Variants in CTXND2 observed in about 807,000 individuals in gnomAD.
CTXND2 encodes cortexin domain containing 2.
chr1:150,905,380 G>T (rs587757069), intron 1 of CTXND2, among the ~76,000 whole-genome samples: 42 of 129,792 alleles, frequency 3.2e-4, no homozygotes, highest in Admixed American at 1.9e-3. Flanking sequence ...CTGACCTCAG[G>T]TGATCCCCCC....
intron 1 of CTXND2, among the ~76,000 whole-genome samples, chr1:150,895,320 G>A (rs1283805263): frequency 6.6e-6 from 1 of 151,676 alleles, no homozygotes; most frequent in African/African-American, 2.4e-5. Flanking sequence ...TTCCTGTTTG[G>A]GGAAATCTTT....
At chr1:150,896,363 T>G (rs373828857) in intron 1 of CTXND2, among the ~76,000 whole-genome samples, 1 of 152,346 alleles carries the variant, frequency 6.6e-6, no homozygotes, top group East Asian at 1.9e-4. Flanking sequence ...AATTCCATTT[T>G]ATTTTTAAGT....
chr1:150,900,213 C>T (rs1252918889), intron 1 of CTXND2, among the ~76,000 whole-genome samples: 1 of 152,098 alleles, frequency 6.6e-6, no homozygotes, highest in Admixed American at 6.5e-5. Flanking sequence ...CCGTGAAGGT[C>T]TGTAGCTTCA....
chr1:150,911,190 C>T (rs1194427449), intron 1 of CTXND2, among the ~76,000 whole-genome samples: 1 of 151,452 alleles, frequency 6.6e-6, no homozygotes, highest in Non-Finnish European at 1.5e-5. Flanking sequence ...TCAAGTGATC[C>T]GCCTGCCTCG....
At chr1:150,910,879 A>T (rs1395099480) in intron 1 of CTXND2, among the ~76,000 whole-genome samples, 4 of 151,870 alleles carry the variant, frequency 2.6e-5, no homozygotes, top group African/African-American at 9.7e-5. Flanking sequence ...ATCTCGGCTC[A>T]CCGCAAGCTC....
intron 1 of CTXND2, among the ~76,000 whole-genome samples, chr1:150,895,957 C>T (rs587747890): frequency 6.6e-6 from 1 of 152,326 alleles, no homozygotes; most frequent in South Asian, 2.1e-4. Flanking sequence ...TGTGCTCTCC[C>T]TGGCTATGGT....
chr1:150,906,641 G>A (rs1334884534), intron 1 of CTXND2, among the ~76,000 whole-genome samples: 2 of 152,162 alleles, frequency 1.3e-5, no homozygotes, highest in Non-Finnish European at 2.9e-5. Context: ...ATCTGAAAGT[G>A]GAAGGCCCAC....
intron 1 of CTXND2, among the ~76,000 whole-genome samples, chr1:150,892,532 T>TC: frequency 6.8e-6 from 1 of 146,058 alleles, no homozygotes; most frequent in East Asian, 2.0e-4. Context: ...CTTCTTCTTT[T>TC]TTTTTTTTTT....
intron 1 of CTXND2, among the ~76,000 whole-genome samples, chr1:150,902,560 G>A (rs1432885596): frequency 6.6e-6 from 1 of 152,054 alleles, no homozygotes; most frequent in Non-Finnish European, 1.5e-5. Context: ...GGAAATGAAT[G>A]AGATTCATCA....
chr1:150,896,800 A>T (rs1668918754), intron 1 of CTXND2, among the ~76,000 whole-genome samples: 1 of 152,222 alleles, frequency 6.6e-6, no homozygotes, highest in Non-Finnish European at 1.5e-5. Flanking sequence ...GACTTTTAGG[A>T]TAAACAAATT....
chr1:150,910,991 A>G (rs1304270407), intron 1 of CTXND2, among the ~76,000 whole-genome samples: 1 of 151,856 alleles, frequency 6.6e-6, no homozygotes, highest in African/African-American at 2.4e-5. Flanking sequence ...TTTTTAGTAG[A>G]GACGGGGTTT....
At chr1:150,903,164 CTA>C (rs914673504) in intron 1 of CTXND2, among the ~76,000 whole-genome samples, 8 of 152,026 alleles carry the variant, frequency 5.3e-5, no homozygotes, top group African/African-American at 1.9e-4. Flanking sequence ...CTGCCAATCC[CTA>C]TGTTTTGTTT....
chr1:150,912,068 A>G (rs954468996), intron 1 of CTXND2, among the ~76,000 whole-genome samples, 174 bp from the exon 2 acceptor site: 3 of 152,140 alleles, frequency 2.0e-5, no homozygotes, highest in African/African-American at 7.2e-5. Flanking sequence ...ACTTGTGTGT[A>G]TGTGTGTATC....
chr1:150,899,816 G>T (rs1287934295), intron 1 of CTXND2, among the ~76,000 whole-genome samples: 1 of 152,156 alleles, frequency 6.6e-6, no homozygotes, highest in Non-Finnish European at 1.5e-5. Flanking sequence ...CACCAGCCAG[G>T]TGTGATAGTG....
At position 150,906,235 on chromosome 1, in the gene CTXND2, G is replaced by A. The variant is rs142346627; in HGVS notation, c.-73-6007G>A. ...GATCACTTGAGCCCAGGAGGTTGAG[G>A]CTGCATTGAGCTATGACCATGCCAC... On this transcript the variant is annotated intron_variant, in intron 1 of 1. Coordinates refer to ENST00000636087, the Ensembl canonical transcript of CTXND2. Among the ~76,000 whole-genome samples, 836 of 151,876 alleles carry A rather than the reference G, an allele frequency of 5.5e-3. 4 individuals are homozygous for A. The highest frequency in any genetic ancestry group is 7.3e-3 in the Non-Finnish European group (496 of 67,960).
intron 1 of CTXND2, among the ~76,000 whole-genome samples, chr1:150,901,982 G>A (rs1471166409): frequency 5.3e-5 from 8 of 151,734 alleles, no homozygotes; most frequent in Non-Finnish European, 1.2e-4. Flanking sequence ...AATAATGCTA[G>A]AGGCTGAGCA....
chr1:150,889,222 A>G (rs1332158780), intron 1 of CTXND2, among the ~76,000 whole-genome samples: 9 of 151,906 alleles, frequency 5.9e-5, no homozygotes, highest in Non-Finnish European at 1.2e-4. Context: ...ATCCTGGCTA[A>G]CAGGATGAGA....
At chr1:150,901,054 G>A (rs587682718) in intron 1 of CTXND2, among the ~76,000 whole-genome samples, 75 of 152,304 alleles carry the variant, frequency 4.9e-4, no homozygotes, top group African/African-American at 1.7e-3. Flanking sequence ...TGAGGCTGCA[G>A]TGAGCCACGA....
intron 1 of CTXND2, among the ~76,000 whole-genome samples, chr1:150,902,071 G>C (rs1274095280): frequency 6.6e-6 from 1 of 152,028 alleles, no homozygotes; most frequent in African/African-American, 2.4e-5. Context: ...TTCAAGATTA[G>C]CCTGGCCAAC....
Sources: allele counts gnomAD v4.1 joint callset (sites outside exome capture counted in the v4.1 genomes callset), GRCh38; gene constraint gnomAD v4.1.1; transcripts MANE v1.5; gene names NCBI Gene and HGNC (gene_info 2026-07-23, HGNC 2026-07-21).